Variants in SIL1 observed in about 807,000 individuals in gnomAD.
The protein encoded by SIL1 is SIL1 nucleotide exchange factor.
SIL1 carries 40 observed loss-of-function variants against 49.1 expected under a neutral mutation model. The ratio of observed to expected loss-of-function variants is 0.81; its 90% CI spans 0.63 to 1.06. The LOEUF (loss-of-function observed/expected upper bound fraction) is 1.06. Ranked by LOEUF, SIL1 falls within the 50% of genes least tolerant of loss-of-function variation. The pLI is 0.00. For missense variants in SIL1, 500 were observed against 572.6 expected, an observed-to-expected ratio of 0.87 and a Z score of 1.29; for synonymous variants, 253 against 250.8, an observed-to-expected ratio of 1.01 and a Z score of -0.08.
chr5:138,967,588 C>T (rs1016556538), intron 7 of SIL1, among the ~76,000 whole-genome samples: 6 of 152,150 alleles, frequency 3.9e-5, no homozygotes, highest in African/African-American at 1.2e-4. Flanking sequence ...AAAAAGAAAA[C>T]GCAGCTTCAG....
chr5:138,993,951 T>C (rs1480708868), intron 7 of SIL1, among the ~76,000 whole-genome samples: 2 of 152,192 alleles, frequency 1.3e-5, no homozygotes, highest in East Asian at 3.8e-4. Flanking sequence ...ATTTGTTACA[T>C]AGCAATAGAT....
chr5:139,128,481 A>C (rs572102292), intron 1 of SIL1, among the ~76,000 whole-genome samples: 73 of 151,900 alleles, frequency 4.8e-4, no homozygotes, highest in Non-Finnish European at 9.4e-4. Context: ...CTCCACAAAA[A>C]ATTAAAAAAA....
intron 1 of SIL1, among the ~76,000 whole-genome samples, chr5:139,153,074 T>A (rs1751339224): frequency 6.6e-6 from 1 of 152,188 alleles, no homozygotes; most frequent in East Asian, 1.9e-4. Flanking sequence ...CCCCTTGGCC[T>A]CCCAAAGTGC....
intron 3 of SIL1, among the ~76,000 whole-genome samples, chr5:139,100,917 G>A (rs1414752533): frequency 1.3e-5 from 2 of 151,624 alleles, no homozygotes; most frequent in African/African-American, 4.8e-5. Context: ...AGCCTAGGTT[G>A]GAGATAAAAA....
chr5:139,014,772 T>A (rs536329500), intron 7 of SIL1, among the ~76,000 whole-genome samples: 1 of 152,340 alleles, frequency 6.6e-6, no homozygotes, highest in Admixed American at 6.5e-5. Flanking sequence ...TCGGTTAATA[T>A]GCTAATCAGT....
intron 7 of SIL1, among the ~76,000 whole-genome samples, chr5:138,957,526 G>A (rs1237544423): frequency 6.6e-6 from 1 of 151,906 alleles, no homozygotes; most frequent in Non-Finnish European, 1.5e-5. Flanking sequence ...TGAGGCTGCA[G>A]TGAGCTATGG....
At chr5:138,952,872 T>G (rs1766814942) in intron 7 of SIL1, among the ~76,000 whole-genome samples, 1 of 152,280 alleles carries the variant, frequency 6.6e-6, no homozygotes, top group Non-Finnish European at 1.5e-5. Context: ...TTTTGCAGGC[T>G]CCTTGCTTTT....
intron 1 of SIL1, among the ~76,000 whole-genome samples, chr5:139,134,110 T>C (rs934216313): frequency 1.3e-5 from 2 of 152,174 alleles, no homozygotes; most frequent in Admixed American, 6.5e-5. Flanking sequence ...ACTCCATTTT[T>C]TTATTAGTTG....
intron 1 of SIL1, among the ~76,000 whole-genome samples, chr5:139,130,140 C>T (rs538651481): frequency 8.7e-4 from 132 of 152,114 alleles, no homozygotes; most frequent in African/African-American, 3.1e-3. Flanking sequence ...TTAAATTAGC[C>T]AGGTGTGGTG....
In SIL1 at chr5:139,121,188, C is replaced by A. The variant is rs2151793363; in HGVS notation, c.106-15G>T. 1 of 1,613,970 alleles carries A rather than the reference C, an allele frequency of 6.2e-7. No homozygotes were observed. The highest frequency in any genetic ancestry group is 1.3e-5 in the African/African-American group (1 of 75,036). On this transcript the variant is annotated splice_polypyrimidine_tract_variant and intron_variant, in intron 2 of 9. Coordinates refer to ENST00000394817, the MANE Select transcript of SIL1 (RefSeq NM_022464.5). ...GCAAACTCCTTCTGAGAAAAGAAAA[C>A]ACAGGGCATGACCCACTGCAACTAG...
chr5:139,071,393 G>A (rs1769831478), intron 3 of SIL1, among the ~76,000 whole-genome samples: 1 of 152,198 alleles, frequency 6.6e-6, no homozygotes, highest in South Asian at 2.1e-4. Context: ...TTTGGTAGGA[G>A]GGAAATATTA....
chr5:139,040,952 A>G (rs1313357122), intron 5 of SIL1, among the ~76,000 whole-genome samples: 1 of 152,216 alleles, frequency 6.6e-6, no homozygotes, highest in Non-Finnish European at 1.5e-5. Context: ...TCCCAGGGAA[A>G]GCAAAGAGAA....
At chr5:139,180,470 T>A (rs1435461372) in intron 1 of SIL1, among the ~76,000 whole-genome samples, 1 of 150,634 alleles carries the variant, frequency 6.6e-6, no homozygotes, top group African/African-American at 2.4e-5. Flanking sequence ...TTGTGGGTCA[T>A]CTATTAGCCC....
At chr5:138,971,379 TA>T (rs1391918362) in intron 7 of SIL1, among the ~76,000 whole-genome samples, 4 of 152,158 alleles carry the variant, frequency 2.6e-5, no homozygotes, top group African/African-American at 9.7e-5. Context: ...CTTGTACTTC[TA>T]AAAGCAGCCC....
intron 3 of SIL1, among the ~76,000 whole-genome samples, chr5:139,109,906 C>A (rs1339219870): frequency 6.6e-6 from 1 of 151,420 alleles, no homozygotes; most frequent in African/African-American, 2.4e-5. Context: ...CACGGAGGCT[C>A]ACGTCTATAA....
chr5:139,150,282 G>C (rs1321221649), intron 1 of SIL1, among the ~76,000 whole-genome samples: 1 of 152,074 alleles, frequency 6.6e-6, no homozygotes, highest in Non-Finnish European at 1.5e-5. Flanking sequence ...CCACACTTAA[G>C]AAGTCCAAAG....
chr5:139,101,319 C>A (rs1374963812), intron 3 of SIL1, among the ~76,000 whole-genome samples: 1 of 152,168 alleles, frequency 6.6e-6, no homozygotes, highest in African/African-American at 2.4e-5. Context: ...TCCACCTCAT[C>A]AAATACCAGC....
intron 7 of SIL1, among the ~76,000 whole-genome samples, chr5:139,003,129 T>C (rs1341215457): frequency 6.6e-6 from 1 of 151,888 alleles, no homozygotes; most frequent in Non-Finnish European, 1.5e-5. Flanking sequence ...GAAAGGCAAT[T>C]AGGACTCTAG....
chr5:138,997,388 CTG>C (rs1394500001), intron 7 of SIL1, among the ~76,000 whole-genome samples: 1 of 152,168 alleles, frequency 6.6e-6, no homozygotes, highest in Non-Finnish European at 1.5e-5. Flanking sequence ...ATTGAAGAGA[CTG>C]TCCTTTGCCC....
Sources: gnomAD v4.1 joint callset for allele counts (sites outside exome capture counted in the v4.1 genomes callset) on GRCh38, gnomAD v4.1.1 for gene constraint, MANE v1.5 for transcripts, NCBI Gene and HGNC (gene_info 2026-07-23, HGNC 2026-07-21) for gene names.